Variants in EXOC4 observed in about 807,000 individuals in gnomAD.
EXOC4 encodes the protein exocyst complex component 4.
A neutral mutation model predicts 107.2 loss-of-function variants in EXOC4; 71 were observed. That is an observed-to-expected ratio of 0.66 (90% CI 0.55 to 0.81). EXOC4 has a LOEUF of 0.81. Among genes scored for constraint, EXOC4 ranks in the 30% least tolerant of loss-of-function variants. EXOC4 has a pLI of 0.00. For synonymous variants in EXOC4, 456 were observed against 441.2 expected, an observed-to-expected ratio of 1.03 and a Z score of -0.42; for missense variants, 1,108 against 1,189.6, an observed-to-expected ratio of 0.93 and a Z score of 1.01.
At chr7:133,781,810 C>A (rs1796474368) in intron 10 of EXOC4, among the ~76,000 whole-genome samples, 1 of 152,206 alleles carries the variant, frequency 6.6e-6, no homozygotes, top group Non-Finnish European at 1.5e-5. Flanking sequence ...GGACTTACAA[C>A]TCTTAATGCC....
intron 10 of EXOC4, among the ~76,000 whole-genome samples, chr7:133,739,262 G>GTA (rs1554394878): frequency 6.7e-6 from 1 of 148,580 alleles, no homozygotes; most frequent in Non-Finnish European, 1.5e-5. Context: ...GTGTGTGTGT[G>GTA]TATAAAAAGA....
chr7:133,409,670 G>A (rs1023254359), intron 7 of EXOC4, among the ~76,000 whole-genome samples: 2 of 152,110 alleles, frequency 1.3e-5, no homozygotes, highest in African/African-American at 4.8e-5. Flanking sequence ...ACATTTGGCA[G>A]GCTGTGGTCA....
chr7:133,417,574 A>G (rs4731952), intron 7 of EXOC4, among the ~76,000 whole-genome samples: 117,825 of 152,090 alleles, frequency 0.77, 46,278 homozygotes, highest in East Asian at 0.95. Flanking sequence ...GTTAGGTTCT[A>G]CTTGTACACA....
chr7:133,338,290 ATT>A (rs1795567448), intron 5 of EXOC4, among the ~76,000 whole-genome samples: 2 of 151,772 alleles, frequency 1.3e-5, no homozygotes, highest in Non-Finnish European at 1.5e-5. Context: ...TTATCATTTT[ATT>A]TTTAAAAATT....
chr7:133,778,765 A>T (rs1313490086), intron 10 of EXOC4, among the ~76,000 whole-genome samples: 1 of 152,206 alleles, frequency 6.6e-6, no homozygotes, highest in African/African-American at 2.4e-5. Context: ...GCTTTATCGA[A>T]TCCCTTATTA....
chr7:133,886,299 C>T (rs1033668720), intron 11 of EXOC4, among the ~76,000 whole-genome samples: 4 of 152,062 alleles, frequency 2.6e-5, no homozygotes, highest in Non-Finnish European at 5.9e-5. Context: ...TTATGTGGAC[C>T]GGGAGCCAAT....
At chr7:133,945,754 A>G (rs1800535490) in intron 14 of EXOC4, among the ~76,000 whole-genome samples, 1 of 152,180 alleles carries the variant, frequency 6.6e-6, no homozygotes, top group Admixed American at 6.5e-5. Context: ...TGCATTCCCG[A>G]TGGTGACTTA....
intron 17 of EXOC4, among the ~76,000 whole-genome samples, chr7:134,037,956 T>C (rs889321900): frequency 6.6e-6 from 1 of 152,096 alleles, no homozygotes; most frequent in East Asian, 1.9e-4. Flanking sequence ...CCGGGGAGTT[T>C]TTTCAAAATG....
Position 134,064,431 on chromosome 7 carries a change from C to T in EXOC4, c.2828C>T (p.Thr943Ile). 3 of 1,608,720 alleles carry T rather than the reference C, an allele frequency of 1.9e-6. No homozygotes were observed. The highest frequency in any genetic ancestry group is 1.7e-6 in the Non-Finnish European group (2 of 1,177,304). Residue 943 changes from threonine to isoleucine, a missense_variant, in exon 18 of 18, where the codon ACC (threonine) becomes ATC (isoleucine). By Grantham distance (89) the Thr-to-Ile change is moderately conservative. Coordinates refer to ENST00000253861, the MANE Select transcript of EXOC4 (RefSeq NM_021807.4). ...HRSQTGVGEL[T>I]TQNTRLQRLK... The stretch of plus-strand genomic sequence containing the variant: ...AGCCAGACTGGGGTGGGGGAACTGA[C>T]CACCCAGAACACGAGGCTGCAGAGG...
intron 17 of EXOC4, among the ~76,000 whole-genome samples, chr7:134,015,758 C>A (rs1307621375): frequency 6.6e-6 from 1 of 151,752 alleles, no homozygotes; most frequent in Non-Finnish European, 1.5e-5. Context: ...GCCTGTAATC[C>A]CAGCTACTTG....
chr7:133,429,644 C>T (rs1797808749), intron 7 of EXOC4, among the ~76,000 whole-genome samples: 1 of 152,212 alleles, frequency 6.6e-6, no homozygotes, highest in South Asian at 2.1e-4. Flanking sequence ...AGTCACCAGT[C>T]TACTTTCTGT....
intron 2 of EXOC4, among the ~76,000 whole-genome samples, chr7:133,286,523 G>A (rs1794281105): frequency 6.6e-6 from 1 of 152,144 alleles, no homozygotes; most frequent in African/African-American, 2.4e-5. Context: ...AACCATTTGT[G>A]TGTAAGAGGC....
intron 11 of EXOC4, among the ~76,000 whole-genome samples, chr7:133,881,200 G>A (rs1036279527): frequency 5.3e-5 from 8 of 152,124 alleles, no homozygotes; most frequent in African/African-American, 1.9e-4. Context: ...TGTCATAAAA[G>A]GACATTCATG....
chr7:133,458,787 G>GT (rs1255235718), intron 7 of EXOC4, among the ~76,000 whole-genome samples: 2 of 152,176 alleles, frequency 1.3e-5, no homozygotes, highest in African/African-American at 4.8e-5. Flanking sequence ...GGAACTTCAC[G>GT]TAAAAATAAG....
chr7:133,286,307 C>A (rs1584779070), intron 2 of EXOC4, among the ~76,000 whole-genome samples: 1 of 152,050 alleles, frequency 6.6e-6, no homozygotes, highest in South Asian at 2.1e-4. Context: ...TTTTTCATTT[C>A]TTGAAAATGT....
intron 11 of EXOC4, among the ~76,000 whole-genome samples, chr7:133,888,816 T>A (rs934948880): frequency 6.6e-6 from 1 of 152,188 alleles, no homozygotes; most frequent in East Asian, 1.9e-4. Context: ...GAGCTCCTTC[T>A]TTATTTATTT....
chr7:133,547,548 A>G (rs1359707152), intron 9 of EXOC4, among the ~76,000 whole-genome samples: 1 of 152,178 alleles, frequency 6.6e-6, no homozygotes, highest in Non-Finnish European at 1.5e-5. Flanking sequence ...TCCCGGTAGA[A>G]CGTCTTTCAA....
At chr7:133,804,259 A>G (rs932311497) in intron 10 of EXOC4, among the ~76,000 whole-genome samples, 8 of 152,180 alleles carry the variant, frequency 5.3e-5, no homozygotes, top group Non-Finnish European at 7.4e-5. Flanking sequence ...TACCTGAATT[A>G]ATGATCAAGT....
chr7:133,947,571 C>T (rs6968008), intron 14 of EXOC4, among the ~76,000 whole-genome samples: 47,295 of 152,066 alleles, frequency 0.31, 7,815 homozygotes, highest in Non-Finnish European at 0.36. Flanking sequence ...ACATGCCAAA[C>T]CCAACCACAA....
Sources: allele counts gnomAD v4.1 joint callset (sites outside exome capture counted in the v4.1 genomes callset), GRCh38; gene constraint gnomAD v4.1.1; transcripts MANE v1.5; gene names NCBI Gene and HGNC (gene_info 2026-07-23, HGNC 2026-07-21).